CLDN2: variants seen among roughly 807,000 people sequenced by gnomAD.
CLDN2 encodes the protein claudin-2.
CLDN2 carries 1 observed loss-of-function variant against 8.2 expected under a neutral mutation model. That is an observed-to-expected ratio of 0.12 (90% CI 0.04 to 0.58). The LOEUF (loss-of-function observed/expected upper bound fraction) is 0.58, where lower values mean the gene tolerates loss of function less well. CLDN2 is among the 20% of genes least tolerant of loss of function. CLDN2 has a pLI of 0.90. For synonymous variants in CLDN2, 70 were observed against 70.2 expected, an observed-to-expected ratio of 1.00 and a Z score of 0.01; for missense variants, 108 against 172.9, an observed-to-expected ratio of 0.62 and a Z score of 2.11.
intron 1 of CLDN2, among the ~76,000 whole-genome samples, chrX:106,912,681 GC>G (rs895761384): frequency 1.8e-5 from 2 of 110,333 alleles, no homozygotes; most frequent in African/African-American, 6.6e-5. Flanking sequence ...CTCCCAAAGT[GC>G]TGGGGAGCAC....
chrX:106,907,699 TCA>T (rs1367628028), intron 1 of CLDN2, among the ~76,000 whole-genome samples: 1 of 82,404 alleles, frequency 1.2e-5, no homozygotes, highest in African/African-American at 4.9e-5. Context: ...AGACTCCGTC[TCA>T]AAATAATAAT....
At chrX:106,916,663 G>A (rs928208103), upstream of CLDN2, among the ~76,000 whole-genome samples, 9 of 111,583 alleles carry the variant, frequency 8.1e-5, no homozygotes, top group East Asian at 1.1e-3. Flanking sequence ...TGGAATTAAG[G>A]CTAACTCTGA....
At chrX:106,905,570 C>A (rs1933167709) in intron 1 of CLDN2, among the ~76,000 whole-genome samples, 1 of 111,421 alleles carries the variant, frequency 9.0e-6, no homozygotes, top group South Asian at 3.9e-4. Flanking sequence ...AGAGAGGGAG[C>A]CAGGCTGAAA....
chrX:106,923,488 C>T (rs1426900211), intron 1 of CLDN2, among the ~76,000 whole-genome samples: 14 of 111,563 alleles, frequency 1.3e-4, no homozygotes, highest in Non-Finnish European at 5.6e-5. Context: ...AGGGCAGTGG[C>T]GACAGAAAGA....
chrX:106,903,468 C>G, intron 1 of CLDN2: 2 of 389,819 alleles, frequency 5.1e-6, no homozygotes, highest in Non-Finnish European at 8.6e-6. Context: ...GGAGGGAAAG[C>G]TGGGTTACCT....
At chrX:106,904,614 G>C (rs1323321412) in intron 1 of CLDN2, among the ~76,000 whole-genome samples, 4 of 111,877 alleles carry the variant, frequency 3.6e-5, no homozygotes, top group Admixed American at 9.5e-5. Context: ...ACTAATTTAA[G>C]GGCTCCTCAT....
At chrX:106,910,643 T>G (rs916490872) in intron 1 of CLDN2, among the ~76,000 whole-genome samples, 17 of 107,801 alleles carry the variant, frequency 1.6e-4, no homozygotes, top group Non-Finnish European at 3.8e-5. Context: ...CCCCAGGAGG[T>G]AGAGGTTGCA....
intron 1 of CLDN2, among the ~76,000 whole-genome samples, chrX:106,926,279 A>G (rs1933464599): frequency 1.8e-5 from 2 of 111,500 alleles, no homozygotes; most frequent in African/African-American, 6.5e-5. Flanking sequence ...TCACTTTTGG[A>G]CATGTCAAAT....
At chrX:106,912,426 T>C (rs1037454756) in intron 1 of CLDN2, among the ~76,000 whole-genome samples, 2 of 98,961 alleles carry the variant, frequency 2.0e-5, no homozygotes, top group African/African-American at 7.5e-5. Context: ...TTTTTTTTTT[T>C]TTTTTCAGAC....
At position 106,928,099 on chromosome X, in the gene CLDN2, T is replaced by G; in HGVS notation, c.-130T>G. 1 of 493,843 alleles carries G rather than the reference T, an allele frequency of 2.0e-6. No homozygotes were observed. The highest frequency in any genetic ancestry group is 3.6e-5 in the East Asian group (1 of 27,618). 40.7% of individuals were successfully genotyped at this position (493,843 alleles called of 1,213,427 possible). A position where few individuals can be genotyped will look rare whatever the true frequency, so the allele number is the denominator to read the frequency against. On this transcript the variant is annotated 5_prime_UTR_variant, in exon 2 of 2. Coordinates refer to ENST00000336803, the MANE Select transcript of CLDN2 (RefSeq NM_020384.4). ...CTGCTTGTGGCCACCCACAGACACTTGTAAGGAGGAGAGAAGTCAGCCTGG... is the reference window on the plus strand; with the variant it reads ...CTGCTTGTGGCCACCCACAGACACTGGTAAGGAGGAGAGAAGTCAGCCTGG...
upstream of CLDN2, among the ~76,000 whole-genome samples, chrX:106,917,272 T>TGGCAGA (rs1239154647): frequency 4.5e-5 from 5 of 112,335 alleles, no homozygotes; most frequent in African/African-American, 1.6e-4. Context: ...TTTAAGGGTC[T>TGGCAGA]GGCAGAGGCA....
In CLDN2 at chrX:106,903,373, G is replaced by T. The variant is rs978759551; in HGVS notation, c.-179+2869G>T. The stretch of plus-strand genomic sequence containing the variant: ...CTTTTCCTGGGAGACCCTTTTATAA[G>T]CCCTGCCTGGTCTTATAAATTATTC... On this transcript the variant is annotated intron_variant, in intron 1 of 1. Transcript: ENST00000541806. The T allele has an allele frequency of 8.4e-6, 8 of 957,433 alleles. No homozygotes were observed. The African/African-American group carries it at 1.2e-4, about 14-fold the overall frequency. The allele number at this position is 957,433 out of a possible 1,213,427, so 78.9% of individuals were successfully genotyped here.
At chrX:106,916,924 C>G (rs149808043), upstream of CLDN2, among the ~76,000 whole-genome samples, 1,196 of 111,766 alleles carry the variant, frequency 0.011, 21 homozygotes, top group African/African-American at 0.037. Context: ...GCGGCACATG[C>G]TTGTAGTCTC....
chrX:106,913,313 T>C (rs1057234120), intron 1 of CLDN2, among the ~76,000 whole-genome samples: 3 of 111,951 alleles, frequency 2.7e-5, no homozygotes, highest in African/African-American at 9.7e-5. Context: ...CAGGCTGGTT[T>C]TGAACTCCTT....
chrX:106,901,279 G>A (rs959969339), intron 1 of CLDN2, among the ~76,000 whole-genome samples: 1 of 111,693 alleles, frequency 9.0e-6, no homozygotes, highest in Non-Finnish European at 1.9e-5. Flanking sequence ...ATCATTCTTG[G>A]GCATCGTTAA....
At chrX:106,909,608 AC>A (rs1473715842) in intron 1 of CLDN2, among the ~76,000 whole-genome samples, 5 of 111,953 alleles carry the variant, frequency 4.5e-5, no homozygotes, top group African/African-American at 1.6e-4. Context: ...CCGAAGTAAT[AC>A]AGGGTCTGCT....
chrX:106,921,719 C>T (rs1421379279), intron 1 of CLDN2, among the ~76,000 whole-genome samples: 1 of 112,093 alleles, frequency 8.9e-6, no homozygotes, highest in Non-Finnish European at 1.9e-5. Flanking sequence ...CTTGACCCTC[C>T]TAATCCTCTC....
Position 106,912,193 on chromosome X carries a change from C to T in CLDN2, c.-179+11689C>T, listed in dbSNP as rs776255582. ...CAGACCTCTTCCCTCCCTCTTCCAG[C>T]CTCAGCCTAGACCAGCAGCCCTAAA... is the stretch of plus-strand genomic sequence containing the variant. On this transcript the variant is annotated intron_variant, in intron 1 of 1. Coordinates refer to the CLDN2 transcript ENST00000541806. Among the ~76,000 whole-genome samples, 7 of 111,258 alleles carry T rather than the reference C, an allele frequency of 6.3e-5. No individual in the cohort carries two copies. The East Asian group carries it at 1.7e-3, about 27-fold the overall frequency.
chrX:106,927,515 C>CA (rs1875258384), intron 1 of CLDN2, among the ~76,000 whole-genome samples: 1 of 111,399 alleles, frequency 9.0e-6, no homozygotes, highest in Non-Finnish European at 1.9e-5. Context: ...TCTGAACTCT[C>CA]AGAGTATGGA....
Sources: gnomAD v4.1 joint callset for allele counts (sites outside exome capture counted in the v4.1 genomes callset) on GRCh38, gnomAD v4.1.1 for gene constraint, MANE v1.5 for transcripts, NCBI Gene and HGNC (gene_info 2026-07-23, HGNC 2026-07-21) for gene names.